POP1: variants seen among roughly 807,000 people sequenced by gnomAD.
POP1 encodes ribonucleases P/MRP protein subunit POP1.
Under a neutral mutation model 102.2 loss-of-function variants are expected in POP1, and 75 were observed. The observed-to-expected ratio is 0.73, with a 90% CI of 0.61 to 0.89. The LOEUF is 0.89. POP1 is among the 40% of genes least tolerant of loss of function. The pLI, the probability that POP1 is intolerant of heterozygous loss-of-function variation, is 0.00. For synonymous variants in POP1, 436 were observed against 464.1 expected (o/e 0.94, Z 0.78); for missense variants, 1,116 against 1,267.4 (o/e 0.88, Z 1.81).
At chr8:98,155,876 A>G (rs1809630931) in intron 14 of POP1, 174 bp from the exon 15 acceptor site, 2 of 701,718 alleles carry the variant, frequency 2.9e-6, no homozygotes, top group African/African-American at 1.8e-5. Flanking sequence ...AGCCCAGCCT[A>G]TTATTCTTTA....
chr8:98,129,922 A>G, intron 4 of POP1, 56 bp from the exon 5 acceptor site: 1 of 1,587,776 alleles, frequency 6.3e-7, no homozygotes, highest in South Asian at 1.1e-5. Flanking sequence ...CCTGACCGTT[A>G]ACTCTGTTTT....
intron 11 of POP1, among the ~76,000 whole-genome samples, chr8:98,141,526 A>G (rs890541906): frequency 6.6e-6 from 1 of 152,016 alleles, no homozygotes; most frequent in Admixed American, 6.6e-5. Flanking sequence ...GTCTTTGGAG[A>G]TAAAGTAAAG....
intron 11 of POP1, among the ~76,000 whole-genome samples, chr8:98,141,344 T>A (rs1209128375): frequency 1.3e-5 from 2 of 152,026 alleles, no homozygotes; most frequent in Non-Finnish European, 2.9e-5. Flanking sequence ...TTAGACTAAG[T>A]AGTACTAGAG....
chr8:98,130,225 A>G lies in POP1; in HGVS notation c.734A>G (p.Gln245Arg), dbSNP rs761289283. Reference protein sequence around the residue: ...YRAMTNRCLLQDLSYYCCLEL... With the variant: ...YRAMTNRCLLRDLSYYCCLEL... ...GCCATGACGAACCGGTGCCTCCTGC[A>G]GGTGAGCTTTTCCAGTGGGCTTTTT... The change falls in exon 5 of 16, where the codon CAG (glutamine) becomes CGG (arginine). Residue 245 changes from glutamine to arginine, a missense_variant and splice_region_variant. Physicochemically the swap from Gln to Arg is conservative, Grantham distance 43. Transcript: ENST00000401707. The G allele has an allele frequency of 6.2e-7, 1 of 1,614,200 alleles. No individual in the cohort carries two copies. Among genetic ancestry groups the G allele is most frequent in the African/African-American group, 1.3e-5 (1 of 75,052 alleles).
At position 98,134,434 on chromosome 8, in the gene POP1, C is replaced by T. The variant is rs73701269; in HGVS notation, c.824-38C>T. 0.042 allele frequency: 68,187 copies of T among 1,606,260 alleles called. 2,202 individuals are homozygous for T. The highest frequency in any genetic ancestry group is 0.15 in the African/African-American group (11,143 of 74,812). ...TCAGGAAATAGGACTGCAGTCTCAACACCCGGAATTATGGAATTTTGCTTT... is the reference window on the plus strand; with the variant it reads ...TCAGGAAATAGGACTGCAGTCTCAATACCCGGAATTATGGAATTTTGCTTT... On this transcript the variant is annotated intron_variant, in intron 6 of 15. Coordinates refer to ENST00000401707, the MANE Select transcript of POP1 (RefSeq NM_001145860.2).
At chr8:98,127,861 C>CTA in intron 3 of POP1, 99 bp downstream of exon 3, 4 of 1,273,102 alleles carry the variant, frequency 3.1e-6, no homozygotes, top group South Asian at 1.2e-5. Context: ...TCTGCCTCCC[C>CTA]TACCTCTCCT....
rs183661300 is a variant in POP1 at position 98,159,731 on chromosome 8, C to G, written c.*1460C>G. On this transcript the variant is annotated 3_prime_UTR_variant, in exon 16 of 16. Transcript: ENST00000401707. Reference sequence around the variant, plus strand: ...GAGATGTCTGATGCTTTGCCTCTTACCATGCCTCTGAATGTCTTTGGATCC... The same window carrying G: ...GAGATGTCTGATGCTTTGCCTCTTAGCATGCCTCTGAATGTCTTTGGATCC... 2.0e-5 allele frequency: 3 copies of G among 151,772 alleles called. No individual in the cohort carries two copies. Among genetic ancestry groups the G allele is most frequent in the Non-Finnish European group, 4.4e-5 (3 of 67,992 alleles). 9.4% of individuals were successfully genotyped at this position (151,772 alleles called of 1,614,324 possible).
intron 1 of POP1, among the ~76,000 whole-genome samples, chr8:98,120,982 C>T (rs112660892): frequency 0.06 from 9,161 of 151,962 alleles, 369 homozygotes; most frequent in Middle Eastern, 0.16. Flanking sequence ...GGGATTTCAC[C>T]ATGTTTGCCA....
chr8:98,123,382 C>A lies in POP1; in HGVS notation c.45C>A (p.Asn15Lys), dbSNP rs765852916. 5.0e-6 allele frequency: 8 copies of A among 1,613,910 alleles called. No homozygotes were observed. Among genetic ancestry groups the A allele is most frequent in the Non-Finnish European group, 6.8e-6 (8 of 1,179,940 alleles). Residue 15 changes from asparagine to lysine, a missense_variant, in exon 2 of 16, where the codon AAC becomes AAA. Physicochemically the swap from Asn to Lys is moderately conservative, Grantham distance 94. Coordinates refer to ENST00000401707, the MANE Select transcript of POP1 (RefSeq NM_001145860.2). ...KERKHAKKMRNQPTNVTLSSG... is the reference protein window; with the variant it reads ...KERKHAKKMRKQPTNVTLSSG... The stretch of plus-strand genomic sequence containing the variant: ...GAAAACACGCCAAGAAAATGAGAAA[C>A]CAGCCTACCAATGTGACTCTGTCCT...
chr8:98,128,604 G>T, intron 4 of POP1, 64 bp downstream of exon 4: 1 of 1,550,478 alleles, frequency 6.4e-7, no homozygotes, highest in South Asian at 1.1e-5. Context: ...GAGAAGTATT[G>T]ACCTAATAGA....
rs1809717062 is a variant in POP1 at position 98,158,445 on chromosome 8, A to G, written c.*174A>G. 1.4e-6 allele frequency: 1 copy of G among 698,000 alleles called. No individual in the cohort carries two copies. The highest frequency in any genetic ancestry group is 2.4e-6 in the Non-Finnish European group (1 of 418,790). The allele number at this position is 698,000 out of a possible 1,614,324, so 43.2% of individuals were successfully genotyped here. Reference sequence around the variant, plus strand: ...ATGTTTACATCATTCCAGTAATGTCATTGATTTTCATCTTTCCCTGTCCTT... The same window carrying G: ...ATGTTTACATCATTCCAGTAATGTCGTTGATTTTCATCTTTCCCTGTCCTT... On this transcript the variant is annotated 3_prime_UTR_variant, in exon 16 of 16. Coordinates refer to ENST00000401707, the MANE Select transcript of POP1 (RefSeq NM_001145860.2).
At chr8:98,135,757 G>A (rs985772662) in intron 7 of POP1, among the ~76,000 whole-genome samples, 2 of 151,908 alleles carry the variant, frequency 1.3e-5, no homozygotes, top group African/African-American at 4.8e-5. Flanking sequence ...TGAGTGCAGT[G>A]GTGCAGTCAT....
At chr8:98,140,295 T>G in intron 10 of POP1, 106 bp downstream of exon 10, 3 of 834,420 alleles carry the variant, frequency 3.6e-6, no homozygotes, top group Non-Finnish European at 6.1e-6. Context: ...CTGCTGCTAT[T>G]GTGACACAGC....
chr8:98,155,927 G>GTGTGTGTC, intron 14 of POP1, 123 bp from the exon 15 acceptor site: 1 of 691,784 alleles, frequency 1.4e-6, no homozygotes, highest in East Asian at 2.9e-5. Flanking sequence ...GTGTGTGTGT[G>GTGTGTGTC]TGTGTGTGTG....
intron 11 of POP1, 29 bp from the exon 12 acceptor site, chr8:98,146,539 G>A: frequency 6.6e-7 from 1 of 1,514,504 alleles, no homozygotes; most frequent in South Asian, 1.1e-5. Context: ...GAAGGATGTG[G>A]TTTGAAGGCT....
chr8:98,149,743 G>A (rs1199933235), intron 13 of POP1, among the ~76,000 whole-genome samples: 1 of 151,968 alleles, frequency 6.6e-6, no homozygotes, highest in Non-Finnish European at 1.5e-5. Context: ...GCGACAGAGC[G>A]AGACTCTGTC....
At chr8:98,144,108 A>G (rs1816780043) in intron 11 of POP1, among the ~76,000 whole-genome samples, 1 of 152,002 alleles carries the variant, frequency 6.6e-6, no homozygotes, top group African/African-American at 2.4e-5. Flanking sequence ...GTGAGCTGAG[A>G]TCGCACCACC....
intron 7 of POP1, among the ~76,000 whole-genome samples, chr8:98,136,124 G>A (rs1007299771): frequency 2.7e-5 from 4 of 150,842 alleles, no homozygotes; most frequent in African/African-American, 7.3e-5. Flanking sequence ...TCTGTTGCCC[G>A]GGCTGGAGTG....
chr8:98,156,433 G>T (rs772722354), intron 15 of POP1, 21 bp downstream of exon 15: 2 of 1,612,780 alleles, frequency 1.2e-6, no homozygotes, highest in East Asian at 4.5e-5. Flanking sequence ...GTGACTTCTG[G>T]GTACATTTTG....
Sources: allele counts gnomAD v4.1 joint callset (sites outside exome capture counted in the v4.1 genomes callset), GRCh38; gene constraint gnomAD v4.1.1; transcripts MANE v1.5; gene names NCBI Gene and HGNC (gene_info 2026-07-23, HGNC 2026-07-21).